The following NR4A3 variants were observed in gnomAD, a reference collection of about 807,000 sequenced individuals.
NR4A3 encodes the protein chondrosarcoma, extraskeletal myxoid, fused to EWS.
In NR4A3, 13 loss-of-function variants were observed where a neutral mutation model predicts 55.6. That is an observed-to-expected ratio of 0.23 (90% confidence interval 0.15 to 0.37). NR4A3 has a LOEUF of 0.37. NR4A3 is among the 10% of genes least tolerant of loss of function. The pLI, the probability that NR4A3 is intolerant of heterozygous loss-of-function variation, is 1.00. For missense variants in NR4A3, 646 were observed against 822.8 expected, an observed-to-expected ratio of 0.79 and a Z score of 2.63; for synonymous variants, 342 against 357.9, an observed-to-expected ratio of 0.96 and a Z score of 0.50.
rs1481393527 is a variant in NR4A3 at position 99,836,741 on chromosome 9, A to AG, written c.1254+3288dup. On this transcript the variant is annotated intron_variant, in intron 5 of 7. Transcript: ENST00000395097. ...GAAGTGTGAGTTCATCAACACAGGG[A>AG]GTAATTAAGGTAGTTTTAGTTTTAG... 6.6e-5 allele frequency among the ~76,000 whole-genome samples: 10 copies of AG among 152,300 alleles called. No homozygotes were observed. In the East Asian group the frequency reaches 1.9e-3, roughly 29 times the overall value.
At position 99,847,566 on chromosome 9, in the gene NR4A3, C is replaced by A. The variant is rs200585373; in HGVS notation, c.1584C>A (p.Asn528Lys). ...KDFSLNLQSL[N>K]LDIQALACLS... ...TTTCCTTAAATTTGCAGAGCCTGAA[C>A]CTTGATATCCAAGCCTTAGCCTGCC... is the stretch of plus-strand genomic sequence containing the variant. Residue 528 changes from asparagine to lysine, a missense_variant, in exon 7 of 8, where the codon AAC (asparagine) becomes AAA (lysine). Asn to Lys is a moderately conservative substitution (Grantham distance 94). This residue lies in a region of NR4A3 where 163 missense variants were observed against 233.0 expected (regional missense o/e 0.70). Coordinates refer to ENST00000395097, the MANE Select transcript of NR4A3 (RefSeq NM_006981.4). 2 of 1,614,148 alleles carry A rather than the reference C, an allele frequency of 1.2e-6. No homozygotes were observed. Among genetic ancestry groups the A allele is most frequent in the Non-Finnish European group, 8.5e-7 (1 of 1,180,028 alleles).
intron 7 of NR4A3, among the ~76,000 whole-genome samples, chr9:99,859,015 T>C (rs1338946217): frequency 6.6e-6 from 1 of 152,248 alleles, no homozygotes; most frequent in Non-Finnish European, 1.5e-5. Context: ...AATCTATATA[T>C]ACAATGATTA....
chr9:99,839,679 T>C (rs1462251151), intron 5 of NR4A3, among the ~76,000 whole-genome samples: 1 of 152,240 alleles, frequency 6.6e-6, no homozygotes, highest in Non-Finnish European at 1.5e-5. Context: ...TCAGTAAATG[T>C]AATACTGTGT....
At chr9:99,836,344 A>G (rs903075036) in intron 5 of NR4A3, among the ~76,000 whole-genome samples, 3 of 152,222 alleles carry the variant, frequency 2.0e-5, no homozygotes, top group Non-Finnish European at 2.9e-5. Flanking sequence ...TTTATTCCAT[A>G]TACACTCAAA....
rs1469980512 is a variant in NR4A3 at position 99,865,940 on chromosome 9, G to T, written c.*2073G>T. 4.6e-6 allele frequency: 1 copy of T among 219,156 alleles called. No homozygotes were observed. The highest frequency in any genetic ancestry group is 9.2e-6 in the Non-Finnish European group (1 of 109,044). The allele number at this position is 219,156 out of a possible 1,614,324, so 13.6% of individuals were successfully genotyped here. A position where few individuals can be genotyped will look rare whatever the true frequency, so the allele number is the denominator to read the frequency against. ...CTTAAAATTCATAGAGGAGCAAACT[G>T]GGGCCCATTGAAGGGTGAAGAGTTA... On this transcript the variant is annotated 3_prime_UTR_variant, in exon 8 of 8. Coordinates refer to ENST00000395097, the MANE Select transcript of NR4A3 (RefSeq NM_006981.4). The surrounding 1 kb of genome is among the most constrained non-coding windows in gnomAD (Gnocchi z 4.3).
rs988138814 is a variant in NR4A3 at position 99,866,555 on chromosome 9, A to G, written c.*2688A>G. 5 of 228,108 alleles carry G rather than the reference A, an allele frequency of 2.2e-5. No individual in the cohort carries two copies. The highest frequency in any genetic ancestry group is 3.5e-5 in the Non-Finnish European group (4 of 114,788). The allele number at this position is 228,108 out of a possible 1,614,324, so 14.1% of individuals were successfully genotyped here. Reference sequence around the variant, plus strand: ...CCTCCCAAGTCATCTTATCAACTCAACTCCCTTTTTTTTGTCTTAATGTTG... The same window carrying G: ...CCTCCCAAGTCATCTTATCAACTCAGCTCCCTTTTTTTTGTCTTAATGTTG... On this transcript the variant is annotated 3_prime_UTR_variant, in exon 8 of 8. Transcript: ENST00000395097.
intron 5 of NR4A3, among the ~76,000 whole-genome samples, chr9:99,837,992 T>C (rs1357211552): frequency 6.6e-6 from 1 of 152,240 alleles, no homozygotes; most frequent in Non-Finnish European, 1.5e-5. Context: ...GAAGCATTCC[T>C]GGCTCTGGGA....
At chr9:99,832,083 A>G (rs1269411357) in intron 3 of NR4A3, among the ~76,000 whole-genome samples, 9 of 152,168 alleles carry the variant, frequency 5.9e-5, no homozygotes, top group African/African-American at 2.2e-4. Flanking sequence ...TTTTGCTTTG[A>G]AAAATCAGGA....
At chr9:99,837,452 C>T (rs1827576617) in intron 5 of NR4A3, among the ~76,000 whole-genome samples, 1 of 152,126 alleles carries the variant, frequency 6.6e-6, no homozygotes, top group South Asian at 2.1e-4. Flanking sequence ...AAATCCAGAT[C>T]TCATCACTCA....
rs1476504818 is a variant in NR4A3 at position 99,833,409 on chromosome 9, C to T, written c.1209C>T (p.Val403=). ...CAATCTGCATGATGAATGCCCTTGT[C>T]CGAGCTTTAACAGACTCAACACCCA... ...SPPICMMNAL[V]RALTDSTPRD... The change falls in exon 5 of 8, where the codon GTC becomes GTT. Residue 403 remains valine (V), a synonymous_variant. Transcript: ENST00000395097. The T allele has an allele frequency of 6.2e-7, 1 of 1,614,080 alleles. No individual in the cohort carries two copies. Among genetic ancestry groups the T allele is most frequent in the Admixed American group, 1.7e-5 (1 of 60,016 alleles).
intron 5 of NR4A3, among the ~76,000 whole-genome samples, chr9:99,837,723 CCT>C (rs1175688700): frequency 6.6e-6 from 1 of 151,920 alleles, no homozygotes; most frequent in Non-Finnish European, 1.5e-5. Flanking sequence ...AAGAATTTGC[CCT>C]GTCAAGTTTG....
chr9:99,832,621 T>A, intron 3 of NR4A3, 68 bp from the exon 4 acceptor site: 1 of 1,288,644 alleles, frequency 7.8e-7, no homozygotes, highest in Non-Finnish European at 1.0e-6. Context: ...GTAATTAAAA[T>A]ACATCTTGTC....
At chr9:99,855,355 A>G (rs1218533742) in intron 7 of NR4A3, among the ~76,000 whole-genome samples, 1 of 152,212 alleles carries the variant, frequency 6.6e-6, no homozygotes, top group African/African-American at 2.4e-5. Flanking sequence ...TGTGAGTATC[A>G]GAAAGTCTCC....
chr9:99,825,959 C>T lies in NR4A3; in HGVS notation c.-3+127C>T, dbSNP rs1408982091. On this transcript the variant is annotated intron_variant, in intron 2 of 7. Transcript: ENST00000395097. The surrounding 1 kb of genome is among the most constrained non-coding windows in gnomAD (Gnocchi z 5.0). ...GACAGTGACTGCTGGCCGCGAATTT[C>T]ACAACACAGGTGGCTTCCTCACAGG... The T allele has an allele frequency of 5.3e-6, 1 of 188,234 alleles. No homozygotes were observed. Among genetic ancestry groups the T allele is most frequent in the Non-Finnish European group, 1.1e-5 (1 of 89,136 alleles). 11.7% of individuals were successfully genotyped at this position (188,234 alleles called of 1,614,324 possible). A position where few individuals can be genotyped will look rare whatever the true frequency, so the allele number is the denominator to read the frequency against.
chr9:99,833,229 T>A (rs903558816), intron 4 of NR4A3, 53 bp from the exon 5 acceptor site: 1 of 1,533,630 alleles, frequency 6.5e-7, no homozygotes, highest in East Asian at 2.3e-5. Context: ...CGATTTATGG[T>A]CGTTCATTCC....
chr9:99,847,927 C>T (rs1035185160), intron 7 of NR4A3, among the ~76,000 whole-genome samples: 1 of 152,184 alleles, frequency 6.6e-6, no homozygotes, highest in Non-Finnish European at 1.5e-5. Flanking sequence ...TGTTTTGAGA[C>T]AGGGTCTTGC....
rs1827727889 is a variant in NR4A3, at chr9:99,844,933, C to T, written c.1454+85C>T. 5 of 1,066,970 alleles carry T rather than the reference C, an allele frequency of 4.7e-6. No homozygotes were observed. In the African/African-American group the frequency reaches 4.7e-5, roughly 10 times the overall value. The allele number at this position is 1,066,970 out of a possible 1,614,324, so 66.1% of individuals were successfully genotyped here. A position where few individuals can be genotyped will look rare whatever the true frequency, so the allele number is the denominator to read the frequency against. ...GTTTGTAACTGAATCATTGGTGAAACGTTTTCTCAAGAAGCAAATGTGAAA... is the reference window on the plus strand; with the variant it reads ...GTTTGTAACTGAATCATTGGTGAAATGTTTTCTCAAGAAGCAAATGTGAAA... On this transcript the variant is annotated intron_variant, in intron 6 of 7. Coordinates refer to ENST00000395097, the MANE Select transcript of NR4A3 (RefSeq NM_006981.4).
intron 2 of NR4A3, among the ~76,000 whole-genome samples, chr9:99,827,036 C>A (rs545689968): frequency 6.6e-6 from 1 of 152,310 alleles, no homozygotes; most frequent in East Asian, 1.9e-4. Flanking sequence ...TCAGTTCAGC[C>A]TCTCTGAACA....
intron 7 of NR4A3, among the ~76,000 whole-genome samples, chr9:99,852,411 G>A (rs1827864820): frequency 6.6e-6 from 1 of 152,172 alleles, no homozygotes; most frequent in African/African-American, 2.4e-5. Flanking sequence ...TGGTTTCTCT[G>A]CCTCTGGTGA....
Sources: gnomAD v4.1 joint callset for allele counts (sites outside exome capture counted in the v4.1 genomes callset) on GRCh38, gnomAD v4.1.1 for gene constraint, gnomAD v4.1.1 regional missense constraint, Gnocchi (gnomAD v3.1) non-coding constraint, MANE v1.5 for transcripts, NCBI Gene and HGNC (gene_info 2026-07-23, HGNC 2026-07-21) for gene names.